Variants in ADGRD1 observed in about 807,000 individuals in gnomAD.
ADGRD1 encodes the protein G-protein coupled receptor 133.
In ADGRD1, 77 loss-of-function variants were observed where a neutral mutation model predicts 113.4. The observed-to-expected ratio is 0.68, with a 90% CI of 0.57 to 0.82. The LOEUF is 0.82. Among genes scored for constraint, ADGRD1 ranks in the 40% least tolerant of loss-of-function variants. The pLI is 0.00. For synonymous variants in ADGRD1, 474 were observed against 475.0 expected (o/e 1.00, Z 0.03); for missense variants, 1,036 against 1,139.1 (o/e 0.91, Z 1.30).
chr12:131,096,921 C>A lies in ADGRD1; in HGVS notation c.1672-7910C>A, dbSNP rs533834945. On this transcript the variant is annotated intron_variant, in intron 15 of 24. Coordinates refer to ENST00000261654, the MANE Select transcript of ADGRD1 (RefSeq NM_198827.5). This position sits in a 1 kb window ranked among gnomAD's most constrained non-coding sequence, Gnocchi z 5.2. Reference sequence around the variant, plus strand: ...TGAGTTGCAGGTCTGTCACTTGGGGCAGGTGATGGGAGGGGAGGAGGCCCA... The same window carrying A: ...TGAGTTGCAGGTCTGTCACTTGGGGAAGGTGATGGGAGGGGAGGAGGCCCA... Among the ~76,000 whole-genome samples the A allele has an allele frequency of 1.0e-3, 157 of 152,274 alleles. No homozygotes were observed. The highest frequency in any genetic ancestry group is 3.6e-3 in the African/African-American group (148 of 41,550).
intron 20 of ADGRD1, among the ~76,000 whole-genome samples, chr12:131,129,312 G>C (rs1344307642): frequency 7.0e-6 from 1 of 142,100 alleles, no homozygotes; most frequent in Non-Finnish European, 1.5e-5. Flanking sequence ...CCGCCCTGCT[G>C]TCTGGGTGTG....
intron 2 of ADGRD1, chr12:130,962,835 G>A (rs1271549986): frequency 6.6e-6 from 1 of 152,112 alleles, no homozygotes; most frequent in Non-Finnish European, 1.5e-5. Flanking sequence ...AAAACTGGAG[G>A]GACAGATGCA....
chr12:130,997,859 G>T (rs1333709779), intron 8 of ADGRD1, among the ~76,000 whole-genome samples: 8 of 152,238 alleles, frequency 5.3e-5, no homozygotes, highest in Non-Finnish European at 1.0e-4. Flanking sequence ...AGGCGGCTGG[G>T]AGGTGGAGGT....
In ADGRD1 at chr12:131,136,088, G is replaced by A; in HGVS notation, c.2319G>A (p.Trp773Ter). Residue 773 changes from tryptophan (W) to a stop codon, truncating the protein, a stop_gained, in exon 22 of 25, where the codon TGG (tryptophan) becomes TGA (stop). Coordinates refer to ENST00000261654, the MANE Select transcript of ADGRD1 (RefSeq NM_198827.5). LOFTEE classifies it high-confidence loss of function. Reference sequence around the variant, plus strand: ...TGCTGCCCATCCTGGGTACCTCGTGGGTCTTTGGCGTGCTTGCTGTCAACG... The same window carrying A: ...TGCTGCCCATCCTGGGTACCTCGTGAGTCTTTGGCGTGCTTGCTGTCAACG... ...AVLLPILGTS[W>*]VFGVLAVNGC... 6.2e-7 allele frequency: 1 copy of A among 1,614,172 alleles called. No individual in the cohort carries two copies. The highest frequency in any genetic ancestry group is 8.5e-7 in the Non-Finnish European group (1 of 1,180,018).
chr12:131,025,083 G>A (rs1879797322), intron 13 of ADGRD1, among the ~76,000 whole-genome samples: 1 of 152,214 alleles, frequency 6.6e-6, no homozygotes, highest in Non-Finnish European at 1.5e-5. Context: ...TATGAAAGGT[G>A]CCAGTTTGAA....
chr12:131,080,777 C>T (rs368562415), intron 14 of ADGRD1, among the ~76,000 whole-genome samples: 8 of 152,232 alleles, frequency 5.3e-5, no homozygotes, highest in African/African-American at 1.9e-4. Flanking sequence ...CCCGCCACCA[C>T]GCCCGGCTAA....
At chr12:130,985,797 C>G (rs1323434043) in intron 5 of ADGRD1, among the ~76,000 whole-genome samples, 1 of 152,206 alleles carries the variant, frequency 6.6e-6, no homozygotes, top group Non-Finnish European at 1.5e-5. Flanking sequence ...GGTGATCCAC[C>G]TGCCTCGGCC....
At chr12:131,122,773 G>T (rs1451135593) in intron 20 of ADGRD1, among the ~76,000 whole-genome samples, 1 of 152,202 alleles carries the variant, frequency 6.6e-6, no homozygotes, top group Non-Finnish European at 1.5e-5. Context: ...TGGTCATCTG[G>T]CTTTCATGTC....
At chr12:131,055,334 G>A (rs750255669) in intron 13 of ADGRD1, among the ~76,000 whole-genome samples, 12 of 152,018 alleles carry the variant, frequency 7.9e-5, no homozygotes, top group Admixed American at 2.0e-4. Context: ...TGATTCAGTT[G>A]ATTCTTCTCC....
intron 18 of ADGRD1, among the ~76,000 whole-genome samples, chr12:131,114,468 C>G (rs1049236114): frequency 6.6e-6 from 1 of 152,104 alleles, no homozygotes; most frequent in African/African-American, 2.4e-5. Flanking sequence ...CCATCTATCT[C>G]CCTGTCAGCT....
At chr12:131,004,057 A>C in intron 10 of ADGRD1, 129 bp from the exon 11 acceptor site, 1 of 592,160 alleles carries the variant, frequency 1.7e-6, no homozygotes, top group Non-Finnish European at 3.0e-6. Context: ...ATGCTTTCTA[A>C]AGGTAATTAT....
intron 13 of ADGRD1, chr12:131,023,133 G>A (rs1028277748): frequency 4.6e-5 from 7 of 152,190 alleles, no homozygotes; most frequent in Admixed American, 6.5e-5. Flanking sequence ...ATGTCCTGAT[G>A]AGGGGACAGT....
chr12:130,982,835 G>A (rs1428119641), intron 5 of ADGRD1, among the ~76,000 whole-genome samples: 2 of 152,136 alleles, frequency 1.3e-5, no homozygotes, highest in African/African-American at 2.4e-5. Context: ...AGGGGAACAG[G>A]TGGCTGGGGA....
At chr12:131,074,962 G>C (rs535333184) in intron 13 of ADGRD1, among the ~76,000 whole-genome samples, 1 of 152,288 alleles carries the variant, frequency 6.6e-6, no homozygotes, top group East Asian at 1.9e-4. Context: ...ACTTCCAGAG[G>C]CCACAGCAGC....
At chr12:130,964,795 G>A (rs539809987) in intron 2 of ADGRD1, among the ~76,000 whole-genome samples, 6 of 152,218 alleles carry the variant, frequency 3.9e-5, no homozygotes, top group South Asian at 4.2e-4. Flanking sequence ...CTGTCTATCC[G>A]CGTGTAACAA....
At chr12:131,019,029 T>C (rs1445244700) in intron 13 of ADGRD1, among the ~76,000 whole-genome samples, 2 of 152,216 alleles carry the variant, frequency 1.3e-5, no homozygotes, top group Admixed American at 1.3e-4. Flanking sequence ...TGGCCCAGCC[T>C]GTGCCCGGGT....
rs763331303 is a variant in ADGRD1 at position 131,131,728 on chromosome 12, A to G, written c.2179A>G (p.Asn727Asp). ...TCCTCCATGGTTTCTTGTGCAGGTC[A>G]ACATTGGCATCCTCATCGCTGTGAC... The part of the protein sequence containing the change: ...VAPALFVIVV[N>D]IGILIAVTRV... Residue 727 changes from asparagine (N) to aspartate (D), a missense_variant, in exon 21 of 25, where the codon AAC (asparagine) becomes GAC (aspartate). Physicochemically the swap from Asn to Asp is conservative, Grantham distance 23. Coordinates refer to ENST00000261654, the MANE Select transcript of ADGRD1 (RefSeq NM_198827.5). The G allele has an allele frequency of 4.4e-6, 7 of 1,607,606 alleles. No homozygotes were observed. The Admixed American group carries it at 1.2e-4, about 27-fold the overall frequency.
At position 131,027,467 on chromosome 12, in the gene ADGRD1, G is replaced by C. The variant is rs540310507; in HGVS notation, c.1473+13127G>C. The C allele has an allele frequency of 1.3e-5, 2 of 152,296 alleles. No individual in the cohort carries two copies. The highest frequency in any genetic ancestry group is 2.9e-5 in the Non-Finnish European group (2 of 68,036). The allele number at this position is 152,296 out of a possible 1,614,324, so 9.4% of individuals were successfully genotyped here. On this transcript the variant is annotated intron_variant, in intron 13 of 24. Transcript: ENST00000261654. This position sits in a 1 kb window ranked among gnomAD's most constrained non-coding sequence, Gnocchi z 5.1. ...ATAGTCTACGTTTGTCATCCTGCTG[G>C]TGTGCGTCTGGCTTCGGGTTTGCAT...
intron 13 of ADGRD1, chr12:131,026,514 CA>C (rs2136901521): frequency 6.6e-6 from 1 of 152,326 alleles, no homozygotes; most frequent in South Asian, 2.1e-4. Flanking sequence ...GCGTCCATGT[CA>C]CCCCGGAACA....
Sources: allele counts gnomAD v4.1 joint callset (sites outside exome capture counted in the v4.1 genomes callset), GRCh38; gene constraint gnomAD v4.1.1; non-coding constraint Gnocchi (gnomAD v3.1); transcripts MANE v1.5; gene names NCBI Gene and HGNC (gene_info 2026-07-23, HGNC 2026-07-21).